Variants in PTPRD observed in about 807,000 individuals in gnomAD.
PTPRD encodes receptor-type tyrosine-protein phosphatase delta.
A neutral mutation model predicts 214.5 loss-of-function variants in PTPRD; 34 were observed. That is an observed-to-expected ratio of 0.16 (90% CI 0.12 to 0.21). PTPRD has a LOEUF of 0.21. Ranked by LOEUF, PTPRD falls within the 10% of genes least tolerant of loss-of-function variation. The pLI, the probability that PTPRD is intolerant of heterozygous loss-of-function variation, is 1.00. For synonymous variants in PTPRD, 1,128 were observed against 845.7 expected (o/e 1.33, Z -5.79); for missense variants, 2,545 against 2,398.7 (o/e 1.06, Z -1.27).
chr9:8,524,860 C>T, intron 18 of PTPRD, 65 bp downstream of exon 18: 4 of 1,312,924 alleles, frequency 3.0e-6, no homozygotes, highest in Non-Finnish European at 3.3e-6. Context: ...AACACGGACC[C>T]TGCGGCGTCT....
chr9:9,467,449 G>A (rs1346682733), intron 8 of PTPRD, among the ~76,000 whole-genome samples: 1 of 150,542 alleles, frequency 6.6e-6, no homozygotes, highest in South Asian at 2.1e-4. Flanking sequence ...TAGCAAGGCG[G>A]GGTGGCAGGC....
chr9:9,866,598 T>C (rs1036980575), intron 5 of PTPRD, among the ~76,000 whole-genome samples: 6 of 152,088 alleles, frequency 3.9e-5, no homozygotes, highest in Non-Finnish European at 8.8e-5. Context: ...ATAGTGAAAA[T>C]AAAACAAAGT....
rs375301107 is a variant in PTPRD at position 9,887,695 on chromosome 9, T to A, written c.-368+50812A>T. 5.3e-5 allele frequency among the ~76,000 whole-genome samples: 8 copies of A among 152,134 alleles called. No homozygotes were observed. In the East Asian group the frequency reaches 9.7e-4, roughly 18 times the overall value. ...TTCTAGTGAAAGACCTAACTTGCAC[T>A]TCCTTAAAAGTATTTAATGGGAGGT... On this transcript the variant is annotated intron_variant, in intron 5 of 45. Coordinates refer to ENST00000381196, the MANE Select transcript of PTPRD (RefSeq NM_002839.4).
chr9:10,204,985 C>T (rs1232475683), intron 3 of PTPRD, among the ~76,000 whole-genome samples: 3 of 152,054 alleles, frequency 2.0e-5, no homozygotes, highest in Non-Finnish European at 4.4e-5. Context: ...CATTTGAGTA[C>T]AAATTAATAC....
At chr9:10,088,302 T>A (rs1465447649) in intron 3 of PTPRD, among the ~76,000 whole-genome samples, 1 of 151,750 alleles carries the variant, frequency 6.6e-6, no homozygotes, top group African/African-American at 2.4e-5. Context: ...TAGGAAAATG[T>A]AATTGGAATT....
intron 3 of PTPRD, among the ~76,000 whole-genome samples, chr9:10,334,434 C>T (rs2096806935): frequency 6.6e-6 from 1 of 151,334 alleles, no homozygotes; most frequent in Admixed American, 6.6e-5. Context: ...CACCCCCCAC[C>T]ACCAAAAAAT....
intron 8 of PTPRD, among the ~76,000 whole-genome samples, chr9:9,567,858 A>G (rs1247364240): frequency 6.6e-6 from 1 of 151,958 alleles, no homozygotes; most frequent in Non-Finnish European, 1.5e-5. Context: ...GATAGAAGAG[A>G]TGTGAAAAGG....
At chr9:10,201,450 G>A (rs916696837) in intron 3 of PTPRD, among the ~76,000 whole-genome samples, 1 of 151,964 alleles carries the variant, frequency 6.6e-6, no homozygotes, top group Non-Finnish European at 1.5e-5. Flanking sequence ...AATAAAACAA[G>A]TTACAAATGA....
chr9:9,891,849 G>A (rs1340700516), intron 5 of PTPRD, among the ~76,000 whole-genome samples: 2 of 152,042 alleles, frequency 1.3e-5, no homozygotes, highest in South Asian at 2.1e-4. Flanking sequence ...TTTTATCAAA[G>A]TATTTTATAC....
chr9:9,920,498 TGGAG>T (rs1290883416), intron 5 of PTPRD, among the ~76,000 whole-genome samples: 2 of 152,168 alleles, frequency 1.3e-5, no homozygotes, highest in Non-Finnish European at 2.9e-5. Context: ...AATAAAATGA[TGGAG>T]GGCAAATTGT....
rs73416492 is a variant in PTPRD, at chr9:8,389,095, T to C, written c.4386+137A>G. 5,187 of 622,686 alleles carry C rather than the reference T, an allele frequency of 8.3e-3. 216 individuals are homozygous for C. The African/African-American group carries it at 0.089, about 11-fold the overall frequency. The allele number at this position is 622,686 out of a possible 1,614,324, so 38.6% of individuals were successfully genotyped here. A position where few individuals can be genotyped will look rare whatever the true frequency, so the allele number is the denominator to read the frequency against. ...TAAAGAATGGTTTAATTAGAGTTGT[T>C]GATGCCCATTCATAATTAGTATCTG... On this transcript the variant is annotated intron_variant, in intron 37 of 45. Transcript: ENST00000381196.
chr9:9,692,191 C>T (rs2790039), intron 7 of PTPRD, among the ~76,000 whole-genome samples: 94,992 of 151,550 alleles, frequency 0.63, 30,103 homozygotes, highest in South Asian at 0.66. Flanking sequence ...CATGAAGAAA[C>T]ATTTGCCCAG....
chr9:9,024,349 T>TTTTTTTTTTTTTTTTTTTC (rs1376078293), intron 10 of PTPRD, among the ~76,000 whole-genome samples: 1 of 34,742 alleles, frequency 2.9e-5, no homozygotes, highest in Admixed American at 3.5e-4. Flanking sequence ...TTTTTTTTTG[T>TTTTTTTTTTTTTTTTTTTC]TTGTTTTTTT....
intron 9 of PTPRD, among the ~76,000 whole-genome samples, chr9:9,311,420 TAAAAC>T (rs1053141213): frequency 6.6e-6 from 1 of 152,076 alleles, no homozygotes; most frequent in Non-Finnish European, 1.5e-5. Flanking sequence ...GTCAAACAAA[TAAAAC>T]AAAATCATCC....
chr9:9,775,673 G>C (rs931657152), intron 5 of PTPRD, among the ~76,000 whole-genome samples: 1 of 152,092 alleles, frequency 6.6e-6, no homozygotes, highest in Non-Finnish European at 1.5e-5. Context: ...GCTGGTTGCG[G>C]TGGCTCACGC....
At chr9:10,259,749 T>C (rs908746828) in intron 3 of PTPRD, among the ~76,000 whole-genome samples, 8 of 152,232 alleles carry the variant, frequency 5.3e-5, no homozygotes, top group African/African-American at 1.9e-4. Flanking sequence ...GAAGCTCAGC[T>C]TTTGTAGCAT....
intron 2 of PTPRD, among the ~76,000 whole-genome samples, chr9:10,531,346 C>G (rs948323318): frequency 2.6e-5 from 4 of 152,134 alleles, no homozygotes; most frequent in Middle Eastern, 3.4e-3. Context: ...ATAAGTGTTC[C>G]TAAAAATCAC....
At chr9:8,779,129 G>A (rs2095597879) in intron 11 of PTPRD, among the ~76,000 whole-genome samples, 1 of 152,300 alleles carries the variant, frequency 6.6e-6, no homozygotes, top group South Asian at 2.1e-4. Flanking sequence ...TTTATACCCT[G>A]ATGGAAAGAC....
At chr9:9,637,030 A>G (rs2095794692) in intron 7 of PTPRD, among the ~76,000 whole-genome samples, 1 of 152,142 alleles carries the variant, frequency 6.6e-6, no homozygotes, top group African/African-American at 2.4e-5. Flanking sequence ...ACCCTTTTTA[A>G]TGGAATTCAT....
Sources: allele counts gnomAD v4.1 joint callset (sites outside exome capture counted in the v4.1 genomes callset), GRCh38; gene constraint gnomAD v4.1.1; transcripts MANE v1.5; gene names NCBI Gene and HGNC (gene_info 2026-07-23, HGNC 2026-07-21).